Variants in KCNT2 observed in about 807,000 individuals in gnomAD.
The protein encoded by KCNT2 is potassium sodium-activated channel subfamily T member 2.
Under a neutral mutation model 153.8 loss-of-function variants are expected in KCNT2, and 67 were observed. That is an observed-to-expected ratio of 0.44 (90% CI 0.36 to 0.53). KCNT2 has a LOEUF of 0.53. KCNT2 is among the 20% of genes least tolerant of loss of function. KCNT2 has a pLI of 0.00. For missense variants in KCNT2, 975 were observed against 1,354.8 expected, an observed-to-expected ratio of 0.72 and a Z score of 4.40; for synonymous variants, 500 against 458.8, an observed-to-expected ratio of 1.09 and a Z score of -1.15.
intron 13 of KCNT2, among the ~76,000 whole-genome samples, chr1:196,376,595 A>G (rs1310500524): frequency 6.6e-6 from 1 of 151,946 alleles, no homozygotes; most frequent in African/African-American, 2.4e-5. Flanking sequence ...CTCTAGGCTA[A>G]CAACTTTCTA....
At position 196,280,771 on chromosome 1, in the gene KCNT2, G is replaced by A. The variant is rs529753856; in HGVS notation, c.2910+89C>T. The stretch of plus-strand genomic sequence containing the variant: ...GTAGCATTCTTTTTCACTTTCTCTT[G>A]CATTTTTTATAAATCAGTTTATAAG... On this transcript the variant is annotated intron_variant, in intron 25 of 27. Coordinates refer to ENST00000294725, the MANE Select transcript of KCNT2 (RefSeq NM_198503.5). The A allele has an allele frequency of 1.0e-5, 13 of 1,242,252 alleles. No homozygotes were observed. The African/African-American group carries it at 1.7e-4, about 16-fold the overall frequency. 77.0% of individuals were successfully genotyped at this position (1,242,252 alleles called of 1,614,324 possible).
At chr1:196,508,294 T>G (rs1426996992) in intron 1 of KCNT2, among the ~76,000 whole-genome samples, 2 of 151,490 alleles carry the variant, frequency 1.3e-5, no homozygotes, top group African/African-American at 2.4e-5. Context: ...ATTAAAAAAT[T>G]TTAACCTTTT....
chr1:196,352,551 A>G (rs1341647922), intron 14 of KCNT2, among the ~76,000 whole-genome samples: 1 of 152,086 alleles, frequency 6.6e-6, no homozygotes, highest in East Asian at 1.9e-4. Context: ...CAGTGGTGAT[A>G]TTCCCTTTAT....
At chr1:196,251,268 C>G (rs186487062) in intron 26 of KCNT2, among the ~76,000 whole-genome samples, 1 of 151,948 alleles carries the variant, frequency 6.6e-6, no homozygotes. Context: ...AGTAAAGACG[C>G]CTTTCTACTT....
chr1:196,567,365 C>G (rs993510790), intron 1 of KCNT2, among the ~76,000 whole-genome samples: 1 of 152,178 alleles, frequency 6.6e-6, no homozygotes, highest in Non-Finnish European at 1.5e-5. Context: ...AATGTCCACT[C>G]CTCCCTGAAG....
At chr1:196,436,937 T>C (rs969560634) in intron 8 of KCNT2, among the ~76,000 whole-genome samples, 6 of 142,038 alleles carry the variant, frequency 4.2e-5, no homozygotes, top group African/African-American at 1.0e-4. Flanking sequence ...AGTTGGTGGA[T>C]TTTAGTAAAC....
intron 3 of KCNT2, among the ~76,000 whole-genome samples, chr1:196,484,193 C>T (rs1011919442): frequency 1.3e-5 from 2 of 151,960 alleles, no homozygotes; most frequent in Non-Finnish European, 2.9e-5. Context: ...TTAAAATCTG[C>T]TTGACTTTCA....
At chr1:196,264,031 C>T (rs1558079390) in intron 25 of KCNT2, among the ~76,000 whole-genome samples, 2 of 151,946 alleles carry the variant, frequency 1.3e-5, no homozygotes. Flanking sequence ...AATTTATTAT[C>T]TTGGCATTCT....
At chr1:196,231,757 A>G (rs910159494) in intron 27 of KCNT2, among the ~76,000 whole-genome samples, 1 of 151,820 alleles carries the variant, frequency 6.6e-6, no homozygotes. Context: ...GTCAAAAACA[A>G]AGGTAGGAAA....
rs1572559430 is a variant in KCNT2, at chr1:196,469,141, T to C, written c.385-73A>G. On this transcript the variant is annotated intron_variant, in intron 5 of 27. Coordinates refer to ENST00000294725, the MANE Select transcript of KCNT2 (RefSeq NM_198503.5). Reference sequence around the variant, plus strand: ...TATTAAAGGGGGAAAAAGACAGCACTTAGAATTTCTCTAGCAATAAGGATG... The same window carrying C: ...TATTAAAGGGGGAAAAAGACAGCACCTAGAATTTCTCTAGCAATAAGGATG... The C allele has an allele frequency of 4.9e-6, 4 of 811,724 alleles. No homozygotes were observed. In the East Asian group the frequency reaches 1.1e-4, roughly 22 times the overall value. 50.3% of individuals were successfully genotyped at this position (811,724 alleles called of 1,614,324 possible). A position where few individuals can be genotyped will look rare whatever the true frequency, so the allele number is the denominator to read the frequency against.
intron 13 of KCNT2, among the ~76,000 whole-genome samples, chr1:196,393,022 G>C (rs1248142161): frequency 2.6e-5 from 4 of 151,428 alleles, no homozygotes; most frequent in African/African-American, 9.7e-5. Flanking sequence ...ACACTTTACT[G>C]TTGAGATATG....
chr1:196,442,555 C>A (rs1675332262), intron 8 of KCNT2, among the ~76,000 whole-genome samples: 1 of 151,592 alleles, frequency 6.6e-6, no homozygotes, highest in South Asian at 2.1e-4. Flanking sequence ...TGGAATTTGA[C>A]CTAAGCAGGT....
chr1:196,478,103 A>T (rs887905756), intron 5 of KCNT2, among the ~76,000 whole-genome samples: 1 of 152,184 alleles, frequency 6.6e-6, no homozygotes, highest in African/African-American at 2.4e-5. Flanking sequence ...CCAGTCCTTC[A>T]AACTTAGAAG....
Position 196,315,908 on chromosome 1 carries a change from C to T in KCNT2, c.2467G>A (p.Val823Met). 6.2e-7 allele frequency: 1 copy of T among 1,606,440 alleles called. No individual in the cohort carries two copies. The highest frequency in any genetic ancestry group is 8.5e-7 in the Non-Finnish European group (1 of 1,175,938). ...YMADAKTIVNVQTLFRLFSSL... is the reference protein window; with the variant it reads ...YMADAKTIVNMQTLFRLFSSL... ...GCCACTTACCTGAAGAGTGTCTGCA[C>T]GTTCACAATGGTTTTGGCATCTGCC... The change falls in exon 21 of 28, where the codon GTG becomes ATG. Residue 823 changes from valine to methionine, a missense_variant. This residue lies in a region of KCNT2 where 66 missense variants were observed against 147.9 expected (regional missense o/e 0.45). Coordinates refer to ENST00000294725, the MANE Select transcript of KCNT2 (RefSeq NM_198503.5).
At chr1:196,530,148 T>C (rs1216801530) in intron 1 of KCNT2, among the ~76,000 whole-genome samples, 2 of 151,870 alleles carry the variant, frequency 1.3e-5, no homozygotes, top group African/African-American at 4.8e-5. Flanking sequence ...AATGGCAGAA[T>C]GCACAAAGAA....
At chr1:196,246,871 A>G (rs1346706743) in intron 26 of KCNT2, among the ~76,000 whole-genome samples, 1 of 152,154 alleles carries the variant, frequency 6.6e-6, no homozygotes, top group Non-Finnish European at 1.5e-5. Context: ...GAAGTAAGAG[A>G]AGACCACAAA....
At position 196,469,074 on chromosome 1, in the gene KCNT2, A is replaced by G; in HGVS notation, c.385-6T>C. On this transcript the variant is annotated splice_polypyrimidine_tract_variant and splice_region_variant and intron_variant, in intron 5 of 27. Coordinates refer to ENST00000294725, the MANE Select transcript of KCNT2 (RefSeq NM_198503.5). ...ATCTGTTCCCAGATGTTTCCCTTCC[A>G]AGAAAGAATGAATAAAAACGAAAGT... 6.4e-7 allele frequency: 1 copy of G among 1,569,758 alleles called. No homozygotes were observed. Among genetic ancestry groups the G allele is most frequent in the South Asian group, 1.1e-5 (1 of 87,962 alleles).
intron 21 of KCNT2, among the ~76,000 whole-genome samples, chr1:196,310,784 T>C (rs1057508435): frequency 6.6e-6 from 1 of 151,952 alleles, no homozygotes; most frequent in Admixed American, 6.6e-5. Context: ...GAAACAATTC[T>C]CTACATTGTA....
chr1:196,438,925 A>G (rs1674971576), intron 8 of KCNT2, among the ~76,000 whole-genome samples: 1 of 151,906 alleles, frequency 6.6e-6, no homozygotes, highest in Non-Finnish European at 1.5e-5. Context: ...ATATATTCAT[A>G]CTCACTATTA....
Sources: allele counts gnomAD v4.1 joint callset (sites outside exome capture counted in the v4.1 genomes callset), GRCh38; gene constraint gnomAD v4.1.1; regional missense constraint gnomAD v4.1.1; transcripts MANE v1.5; gene names NCBI Gene and HGNC (gene_info 2026-07-23, HGNC 2026-07-21).